The following VWF variants were observed in gnomAD, a reference collection of about 807,000 sequenced individuals.
VWF encodes the protein Factor VIII related antigen.
A neutral mutation model predicts 308.6 loss-of-function variants in VWF; 176 were observed. The observed-to-expected ratio is 0.57, with a 90% CI of 0.50 to 0.65. The LOEUF is 0.65. Ranked by LOEUF, VWF falls within the 30% of genes least tolerant of loss-of-function variation. The pLI is 0.00. For missense variants in VWF, 3,146 were observed against 3,648.2 expected, an observed-to-expected ratio of 0.86 and a Z score of 3.55; for synonymous variants, 1,385 against 1,443.4, an observed-to-expected ratio of 0.96 and a Z score of 0.92.
intron 3 of VWF, among the ~76,000 whole-genome samples, chr12:6,112,217 G>GT (rs1371506013): frequency 6.6e-6 from 1 of 152,162 alleles, no homozygotes; most frequent in Non-Finnish European, 1.5e-5. Flanking sequence ...TCTGAGAATG[G>GT]TGTGGTTGTG....
In VWF at chr12:6,075,516, G is replaced by C. The variant is rs527344390; in HGVS notation, c.693C>G (p.Thr231=). Residue 231 remains threonine (T), a synonymous_variant, in exon 7 of 52, where the codon ACC becomes ACG. Transcript: ENST00000261405. The surrounding 1 kb of genome is among the most constrained non-coding windows in gnomAD (Gnocchi z 4.7). ...GAGGGTGGCAGCGGGCAAACACCGA[G>C]GTGCTCTTCAGAAGCTGGCACTGCT... ...LWEQCQLLKS[T]SVFARCHPLV... is the part of the protein sequence containing the mutation. 5.0e-6 allele frequency: 8 copies of C among 1,614,176 alleles called. No individual in the cohort carries two copies. In the Admixed American group the frequency reaches 1.0e-4, roughly 20 times the overall value.
chr12:6,018,727 C>T lies in VWF; in HGVS notation c.4691G>A (p.Arg1564Gln), dbSNP rs1203208451. ...EAQSKGDILQ[R>Q]VREIRYQGGN... ...GCCCTGGTAGCGGATCTCTCGCACC[C>T]GCTGCAGGATGTCCCCTTTGGACTG... The change falls in exon 28 of 52, where the codon CGG (arginine) becomes CAG (glutamine). Residue 1564 changes from arginine to glutamine, a missense_variant. Physicochemically the swap from Arg to Gln is conservative, Grantham distance 43. Around this residue, in one of 3 missense-constraint regions of VWF, gnomAD observed 853 missense variants for 1,177.8 expected, o/e 0.72. Transcript: ENST00000261405. 1.1e-5 allele frequency: 17 copies of T among 1,613,354 alleles called. No homozygotes were observed. The highest frequency in any genetic ancestry group is 1.7e-4 in the Middle Eastern group (1 of 6,002).
At chr12:6,013,787 A>C in intron 31 of VWF, 142 bp from the exon 32 acceptor site, 1 of 935,496 alleles carries the variant, frequency 1.1e-6, no homozygotes, top group Non-Finnish European at 1.7e-6. Flanking sequence ...GAAGATGTTC[A>C]GTCAACAGAT....
chr12:6,016,678 G>T, intron 29 of VWF, 22 bp from the exon 30 acceptor site: 1 of 1,614,190 alleles, frequency 6.2e-7, no homozygotes, highest in Non-Finnish European at 8.5e-7. Flanking sequence ...GAGAAAATGC[G>T]GATTATTTTG....
In VWF at chr12:6,016,534, C is replaced by T. The variant is rs1268910016; in HGVS notation, c.5293G>A (p.Gly1765Arg). The change falls in exon 30 of 52, where the codon GGA becomes AGA. Residue 1765 changes from glycine (G) to arginine (R), a missense_variant. By Grantham distance (125) the Gly-to-Arg change is moderately radical. This residue lies in a region of VWF where 853 missense variants were observed against 1,177.8 expected (regional missense o/e 0.72). Coordinates refer to ENST00000261405, the MANE Select transcript of VWF (RefSeq NM_000552.5). ...LSLVDVMQRE[G>R]GPSQIGDALG... The stretch of plus-strand genomic sequence containing the variant: ...ACGTTACCGATTTGGCTGGGGCCTC[C>T]CTCCCGCTGCATGACGTCCACAAGG... 1.9e-6 allele frequency: 3 copies of T among 1,613,954 alleles called. No individual in the cohort carries two copies. The South Asian group carries it at 3.3e-5, about 18-fold the overall frequency.
At chr12:6,056,600 G>A (rs1373598432) in intron 15 of VWF, among the ~76,000 whole-genome samples, 1 of 152,114 alleles carries the variant, frequency 6.6e-6, no homozygotes, top group Non-Finnish European at 1.5e-5. Context: ...GGACCCCCAC[G>A]TTCTAGGCCT....
At chr12:5,964,290 A>ACATGCATACATACATACATACATGCATG (rs1943371495) in intron 47 of VWF, among the ~76,000 whole-genome samples, 8 of 151,576 alleles carry the variant, frequency 5.3e-5, no homozygotes, top group African/African-American at 1.5e-4. Flanking sequence ...ATACATGCAT[A>ACATGCATACATACATACATACATGCATG]CATACATACA....
At chr12:6,064,421 C>T (rs750101554) in intron 11 of VWF, 37 bp from the exon 12 acceptor site, 9 of 1,612,254 alleles carry the variant, frequency 5.6e-6, no homozygotes, top group East Asian at 2.2e-5. Context: ...TTGCTGCACC[C>T]CCTGCCTATC....
At chr12:5,977,561 A>G in intron 42 of VWF, among the ~76,000 whole-genome samples, 1 of 152,222 alleles carries the variant, frequency 6.6e-6, no homozygotes, top group East Asian at 1.9e-4. Context: ...TATTTTCAAA[A>G]AGAGAAAAAC....
intron 34 of VWF, among the ~76,000 whole-genome samples, chr12:6,005,736 G>T (rs892200889): frequency 1.3e-5 from 2 of 152,040 alleles, no homozygotes; most frequent in Non-Finnish European, 2.9e-5. Context: ...AGAAAACAAC[G>T]GGCAGCCAAG....
intron 6 of VWF, among the ~76,000 whole-genome samples, chr12:6,087,353 T>TA (rs1944983611): frequency 1.5e-5 from 2 of 136,446 alleles, no homozygotes; most frequent in South Asian, 2.8e-4. Context: ...AAGACTTAAC[T>TA]CTTTTTTTTT....
At chr12:6,111,017 A>G (rs1337530712) in intron 3 of VWF, 49 bp from the exon 4 acceptor site, 5 of 1,483,348 alleles carry the variant, frequency 3.4e-6, no homozygotes, top group Admixed American at 1.7e-5. Context: ...CTCTCAAAAA[A>G]TGAATACATT....
intron 49 of VWF, chr12:5,952,174 C>G: frequency 1.4e-6 from 1 of 707,310 alleles, no homozygotes; most frequent in South Asian, 1.8e-5. Flanking sequence ...ACACACTCAG[C>G]CTCCCTTAAG....
intron 20 of VWF, among the ~76,000 whole-genome samples, chr12:6,032,148 C>T (rs557658144): frequency 2.0e-5 from 3 of 152,112 alleles, no homozygotes; most frequent in Non-Finnish European, 4.4e-5. Context: ...CAAAAGGGGA[C>T]ACATTCCTGG....
chr12:6,017,514 T>C (rs1944076644), intron 28 of VWF, among the ~76,000 whole-genome samples: 1 of 152,248 alleles, frequency 6.6e-6, no homozygotes, highest in African/African-American at 2.4e-5. Flanking sequence ...GAAGGCTTAT[T>C]ATTCTGGGAT....
chr12:5,971,852 C>T (rs41276734), intron 43 of VWF, 143 bp from the exon 44 acceptor site: 146 of 755,000 alleles, frequency 1.9e-4, no homozygotes, highest in Non-Finnish European at 3.3e-4. Flanking sequence ...GTCAACCAGC[C>T]TCAGGGCCAT....
intron 43 of VWF, among the ~76,000 whole-genome samples, chr12:5,972,671 A>G (rs1943490533): frequency 6.6e-6 from 1 of 152,120 alleles, no homozygotes; most frequent in African/African-American, 2.4e-5. Context: ...ACCTACTGAT[A>G]TCACCGCCCA....
In VWF at chr12:5,953,533, G is replaced by C; in HGVS notation, c.7949C>G (p.Thr2650Ser). The C allele has an allele frequency of 6.2e-7, 1 of 1,614,118 alleles. No homozygotes were observed. ...CCGRCLPTAC[T>S]IQLRGGQIMT... ...GATCTGTCCTCCTCTTAGCTGAATG[G>C]TGCAAGCCGTAGGCAAACATCTCCC... Residue 2650 changes from threonine to serine, a missense_variant, in exon 48 of 52, where the codon ACC (threonine) becomes AGC (serine). By Grantham distance (58) the Thr-to-Ser change is moderately conservative. This residue lies in a region of VWF where 989 missense variants were observed against 1,117.4 expected (regional missense o/e 0.89). Coordinates refer to ENST00000261405, the MANE Select transcript of VWF (RefSeq NM_000552.5).
intron 5 of VWF, among the ~76,000 whole-genome samples, chr12:6,103,399 C>CAT (rs1555075260): frequency 3.3e-5 from 4 of 120,608 alleles, no homozygotes; most frequent in African/African-American, 1.6e-4. Context: ...TGTGTATACA[C>CAT]GTGTGTGTAT....
Sources: allele counts gnomAD v4.1 joint callset (sites outside exome capture counted in the v4.1 genomes callset), GRCh38; gene constraint gnomAD v4.1.1; regional missense constraint gnomAD v4.1.1; non-coding constraint Gnocchi (gnomAD v3.1); transcripts MANE v1.5; gene names NCBI Gene and HGNC (gene_info 2026-07-23, HGNC 2026-07-21).